WASF3: variants seen among roughly 807,000 people sequenced by gnomAD.
WASF3 encodes actin-binding protein WASF3.
In WASF3, 11 loss-of-function variants were observed where a neutral mutation model predicts 46.6. The ratio of observed to expected loss-of-function variants is 0.24; its 90% CI spans 0.15 to 0.39. The LOEUF (loss-of-function observed/expected upper bound fraction) is 0.39, where lower values mean the gene tolerates loss of function less well. Ranked by LOEUF, WASF3 falls within the 10% of genes least tolerant of loss-of-function variation. The pLI, the probability that WASF3 is intolerant of heterozygous loss-of-function variation, is 1.00. For synonymous variants in WASF3, 242 were observed against 259.7 expected (o/e 0.93, Z 0.65); for missense variants, 576 against 669.8 (o/e 0.86, Z 1.55).
intron 2 of WASF3, among the ~76,000 whole-genome samples, chr13:26,629,382 C>T (rs1251395616): frequency 6.6e-6 from 1 of 152,216 alleles, no homozygotes; most frequent in Non-Finnish European, 1.5e-5. Flanking sequence ...AGGCTGTTGG[C>T]CACTGCCCAC....
intron 4 of WASF3, among the ~76,000 whole-genome samples, chr13:26,665,850 G>A (rs7985387): frequency 6.6e-6 from 1 of 152,058 alleles, no homozygotes; most frequent in African/African-American, 2.4e-5. Context: ...TGCTTAAAAA[G>A]TACAAAATAT....
At chr13:26,631,145 G>A (rs923187657) in intron 2 of WASF3, among the ~76,000 whole-genome samples, 12 of 152,158 alleles carry the variant, frequency 7.9e-5, no homozygotes, top group Admixed American at 7.9e-4. Flanking sequence ...CCATGCAGAA[G>A]CTCTTTAGTT....
At position 26,642,285 on chromosome 13, in the gene WASF3, G is replaced by A. The variant is rs1201212829; in HGVS notation, c.15G>A (p.Lys5=). MPLV[K]RNIEPRHLCR... ...GATTGTGAACCATGCCTTTAGTGAA[G>A]AGGAACATTGAGCCCCGGCACTTGT... The change falls in exon 3 of 10, where the codon AAG becomes AAA. Residue 5 remains lysine, a synonymous_variant. Transcript: ENST00000335327. 2.5e-6 allele frequency: 4 copies of A among 1,577,532 alleles called. No homozygotes were observed. Among genetic ancestry groups the A allele is most frequent in the African/African-American group, 2.8e-5 (2 of 72,402 alleles).
intron 1 of WASF3, among the ~76,000 whole-genome samples, chr13:26,574,438 G>A (rs1357417794): frequency 6.6e-6 from 1 of 151,774 alleles, no homozygotes; most frequent in Non-Finnish European, 1.5e-5. Flanking sequence ...AAAGTAGTTA[G>A]GACTATTCAG....
At chr13:26,654,023 C>T (rs971731729) in intron 3 of WASF3, among the ~76,000 whole-genome samples, 7 of 152,174 alleles carry the variant, frequency 4.6e-5, no homozygotes, top group African/African-American at 1.7e-4. Context: ...AGTGAAATGA[C>T]GTCAGTCATC....
chr13:26,572,870 G>T (rs1879682322), intron 1 of WASF3, among the ~76,000 whole-genome samples: 1 of 152,070 alleles, frequency 6.6e-6, no homozygotes, highest in East Asian at 1.9e-4. Flanking sequence ...AACTCTTAAT[G>T]TGGTGTTGGA....
Position 26,669,514 on chromosome 13 carries a change from A to AT in WASF3, c.422+1855dup, listed in dbSNP as rs35329241. ...GAAGTACAAAGTGACTGAAAAAAAAATTTTTTTTTTTGAGACGAAGTTTTG... is the reference window on the plus strand; with the variant it reads ...GAAGTACAAAGTGACTGAAAAAAAAATTTTTTTTTTTTGAGACGAAGTTTTG... On this transcript the variant is annotated intron_variant, in intron 5 of 9. Coordinates refer to ENST00000335327, the MANE Select transcript of WASF3 (RefSeq NM_006646.6). Among the ~76,000 whole-genome samples, 14 of 150,046 alleles carry AT rather than the reference A, an allele frequency of 9.3e-5. No individual in the cohort carries two copies. The East Asian group carries it at 1.2e-3, about 13-fold the overall frequency.
In WASF3 at chr13:26,611,031, CTTTTT is replaced by C. The variant is rs71080282; in HGVS notation, c.-108-1914_-108-1910del. 8.1e-5 allele frequency among the ~76,000 whole-genome samples: 9 copies of C among 110,546 alleles called. No homozygotes were observed. In the East Asian group the frequency reaches 1.6e-3, roughly 20 times the overall value. 72.5% of individuals were successfully genotyped at this position (110,546 alleles called of 152,430 possible). On this transcript the variant is annotated intron_variant, in intron 1 of 9. Transcript: ENST00000335327. ...CAATGTAGATATTACTTACTTACTCCTTTTTTTTTTTTTTTTTTTTGGTAGAGGTG... is the reference window on the plus strand; with the variant it reads ...CAATGTAGATATTACTTACTTACTCCTTTTTTTTTTTTTTTGGTAGAGGTG...
At chr13:26,678,251 T>C (rs1020930941) in intron 7 of WASF3, among the ~76,000 whole-genome samples, 1 of 152,184 alleles carries the variant, frequency 6.6e-6, no homozygotes, top group Non-Finnish European at 1.5e-5. Flanking sequence ...AACCCTTAAT[T>C]TAGAAATTTT....
intron 1 of WASF3, among the ~76,000 whole-genome samples, chr13:26,576,608 A>G (rs1879804191): frequency 1.3e-5 from 2 of 152,214 alleles, no homozygotes; most frequent in African/African-American, 4.8e-5. Context: ...TAACTTATGT[A>G]CTTACTATCT....
chr13:26,645,725 C>G (rs560604128), intron 3 of WASF3, among the ~76,000 whole-genome samples: 2 of 152,076 alleles, frequency 1.3e-5, no homozygotes, highest in South Asian at 4.2e-4. Context: ...AATATGTGAC[C>G]TGTAATCAAG....
intron 1 of WASF3, among the ~76,000 whole-genome samples, chr13:26,575,957 A>G (rs1252089292): frequency 6.6e-6 from 1 of 152,062 alleles, no homozygotes; most frequent in East Asian, 1.9e-4. Context: ...TGGCTCTTAA[A>G]ATGTGTAGAT....
At chr13:26,672,787 A>G (rs1329640013) in intron 6 of WASF3, among the ~76,000 whole-genome samples, 5 of 152,206 alleles carry the variant, frequency 3.3e-5, no homozygotes, top group African/African-American at 1.2e-4. Context: ...GTTTTGAGGC[A>G]TTGAGGTGTG....
chr13:26,580,688 C>T (rs199663481), intron 1 of WASF3, among the ~76,000 whole-genome samples: 9 of 150,400 alleles, frequency 6.0e-5, no homozygotes, highest in South Asian at 2.1e-4. Flanking sequence ...TGCGATGGCA[C>T]GATCTCGGCT....
intron 1 of WASF3, among the ~76,000 whole-genome samples, chr13:26,562,977 C>T (rs1277455446): frequency 6.6e-6 from 1 of 150,900 alleles, no homozygotes; most frequent in Non-Finnish European, 1.5e-5. Context: ...GTCTTAAGAA[C>T]ACCTTTTGTC....
At chr13:26,547,393 A>AACACAC in the WASF3 span, among the ~76,000 whole-genome samples, 886 of 131,332 alleles carry the variant, frequency 6.7e-3, 11 homozygotes, top group African/African-American at 0.022. Flanking sequence ...CTACCCCATC[A>AACACAC]ACACACACAC....
chr13:26,574,305 A>C (rs939805032), intron 1 of WASF3, among the ~76,000 whole-genome samples: 1 of 152,068 alleles, frequency 6.6e-6, no homozygotes, highest in Non-Finnish European at 1.5e-5. Context: ...GCTTTGTATC[A>C]AGTAGTGTGT....
At chr13:26,579,375 G>A (rs1879910802) in intron 1 of WASF3, among the ~76,000 whole-genome samples, 1 of 152,048 alleles carries the variant, frequency 6.6e-6, no homozygotes, top group African/African-American at 2.4e-5. Context: ...CTTACCATTA[G>A]TTAATTTTGG....
chr13:26,580,831 G>C (rs1239359686), intron 1 of WASF3, among the ~76,000 whole-genome samples: 1 of 151,258 alleles, frequency 6.6e-6, no homozygotes, highest in East Asian at 2.0e-4. Flanking sequence ...CTCCATGTTG[G>C]TCAGGTTGGT....
Sources: allele counts gnomAD v4.1 joint callset (sites outside exome capture counted in the v4.1 genomes callset), GRCh38; gene constraint gnomAD v4.1.1; transcripts MANE v1.5; gene names NCBI Gene and HGNC (gene_info 2026-07-23, HGNC 2026-07-21).